NRG1: variants seen among roughly 807,000 people sequenced by gnomAD.
The protein encoded by NRG1 is neuregulin 1, also known as pro-neuregulin-1, membrane-bound isoform.
A neutral mutation model predicts 63.8 loss-of-function variants in NRG1; 18 were observed. The ratio of observed to expected loss-of-function variants is 0.28; its 90% CI spans 0.19 to 0.42. The LOEUF is 0.42. Ranked by LOEUF, NRG1 falls within the 10% of genes least tolerant of loss-of-function variation. The probability of loss-of-function intolerance (pLI) is 1.00; values close to 1 mark genes in which losing one functional copy is unlikely to be tolerated. For missense variants in NRG1, 762 were observed against 814.7 expected (o/e 0.94, Z 0.79); for synonymous variants, 302 against 301.3 (o/e 1.00, Z -0.02).
intron 1 of NRG1, among the ~76,000 whole-genome samples, chr8:32,277,846 G>T (rs1404117230): frequency 6.6e-6 from 1 of 152,058 alleles, no homozygotes; most frequent in Middle Eastern, 3.2e-3. Context: ...GTGACCACAA[G>T]GCCTTCAGCT....
intron 1 of NRG1, among the ~76,000 whole-genome samples, chr8:32,309,697 A>G (rs1374542262): frequency 2.0e-5 from 3 of 152,056 alleles, no homozygotes; most frequent in Admixed American, 2.0e-4. Flanking sequence ...TTGTGCATAG[A>G]TATTGTTGCA....
At chr8:31,825,286 G>A (rs1263141106) in intron 1 of NRG1, among the ~76,000 whole-genome samples, 2 of 152,010 alleles carry the variant, frequency 1.3e-5, no homozygotes, top group African/African-American at 4.8e-5. Context: ...TACTCGGGAG[G>A]CTGAGGCAGG....
At chr8:32,626,357 G>GT (rs145290390) in intron 5 of NRG1, among the ~76,000 whole-genome samples, 5,858 of 141,938 alleles carry the variant, frequency 0.041, 220 homozygotes, top group African/African-American at 0.1. Flanking sequence ...TTCAAATTAA[G>GT]TTTTTTTTTT....
intron 1 of NRG1, among the ~76,000 whole-genome samples, chr8:31,931,746 T>C (rs1834881698): frequency 6.6e-6 from 1 of 152,186 alleles, no homozygotes; most frequent in African/African-American, 2.4e-5. Flanking sequence ...AGAGGACATG[T>C]GGGCTCTCTT....
At chr8:31,905,349 C>T (rs1024150130) in intron 1 of NRG1, among the ~76,000 whole-genome samples, 8 of 152,188 alleles carry the variant, frequency 5.3e-5, no homozygotes, top group Non-Finnish European at 1.0e-4. Context: ...AAGACAACAA[C>T]ATGAAAATCT....
At chr8:31,775,316 A>G (rs183273436) in intron 1 of NRG1, among the ~76,000 whole-genome samples, 1 of 152,314 alleles carries the variant, frequency 6.6e-6, no homozygotes, top group Admixed American at 6.5e-5. Flanking sequence ...CCTGGAGGCC[A>G]TTATCCTAAG....
intron 5 of NRG1, among the ~76,000 whole-genome samples, chr8:32,680,555 A>G (rs1011952861): frequency 3.9e-5 from 6 of 152,200 alleles, no homozygotes; most frequent in Non-Finnish European, 7.3e-5. Flanking sequence ...AAGGAGAGAC[A>G]TAATATAGAT....
chr8:32,131,153 G>A (rs1022400674), intron 1 of NRG1, among the ~76,000 whole-genome samples: 4 of 151,938 alleles, frequency 2.6e-5, no homozygotes, highest in African/African-American at 9.7e-5. Flanking sequence ...TAATAAAGCT[G>A]TGGGGACTTA....
Position 32,577,182 on chromosome 8 carries a change from A to G in NRG1, c.101-18646A>G, listed in dbSNP as rs567115068. Among the ~76,000 whole-genome samples the G allele has an allele frequency of 3.2e-4, 48 of 152,268 alleles. 1 individual carries two copies. In the South Asian group the frequency reaches 8.7e-3, roughly 28 times the overall value. On this transcript the variant is annotated intron_variant, in intron 1 of 11. Coordinates refer to ENST00000356819, the Ensembl canonical transcript of NRG1. ...CCTTTTTATGGCTACATGATATTCCACAGTGTGTATATACTACATTTCCTC... is the reference window on the plus strand; with the variant it reads ...CCTTTTTATGGCTACATGATATTCCGCAGTGTGTATATACTACATTTCCTC...
chr8:32,088,650 T>C lies in NRG1; in HGVS notation c.37+449219T>C, dbSNP rs536819136. ...TTTCTGCCTCAGCCTTCTGAGTACC[T>C]GGGACTACAGGTGCACGCCACCATG... On this transcript the variant is annotated intron_variant, in intron 1 of 10. Transcript: ENST00000519301. Among the ~76,000 whole-genome samples, 7 of 152,092 alleles carry C rather than the reference T, an allele frequency of 4.6e-5. No individual in the cohort carries two copies. In the South Asian group the frequency reaches 6.2e-4, roughly 14 times the overall value.
intron 1 of NRG1, among the ~76,000 whole-genome samples, chr8:31,810,553 T>G (rs528066374): frequency 6.6e-6 from 1 of 152,270 alleles, no homozygotes; most frequent in Non-Finnish European, 1.5e-5. Context: ...CACAGCTGTT[T>G]CCTCACCTAG....
At chr8:32,769,524 G>A (rs1014103881), downstream of NRG1, among the ~76,000 whole-genome samples, 1 of 152,162 alleles carries the variant, frequency 6.6e-6, no homozygotes, top group Non-Finnish European at 1.5e-5. Flanking sequence ...ACAATTTGGG[G>A]TTATAAGGCA....
intron 1 of NRG1, among the ~76,000 whole-genome samples, chr8:32,288,271 A>G (rs1586638526): frequency 6.6e-6 from 1 of 152,202 alleles, no homozygotes; most frequent in Admixed American, 6.5e-5. Flanking sequence ...CATGATGGCT[A>G]GCAATCTTTA....
intron 1 of NRG1, among the ~76,000 whole-genome samples, chr8:32,390,223 A>C (rs6986716): frequency 0.75 from 114,671 of 151,976 alleles, 44,120 homozygotes; most frequent in Middle Eastern, 0.84. Context: ...CTTCTCTCTA[A>C]CCCATTTCAC....
intron 1 of NRG1, among the ~76,000 whole-genome samples, chr8:31,744,030 T>A (rs1376806442): frequency 6.6e-6 from 1 of 151,988 alleles, no homozygotes; most frequent in East Asian, 1.9e-4. Flanking sequence ...ATTGAAAGAT[T>A]TTTTTCTGAG....
chr8:32,082,117 T>C (rs1827548805), intron 1 of NRG1, among the ~76,000 whole-genome samples: 1 of 152,062 alleles, frequency 6.6e-6, no homozygotes, highest in Non-Finnish European at 1.5e-5. Flanking sequence ...TTTGAGCTTG[T>C]TGACAAAAAC....
At chr8:31,951,053 G>A (rs945222109) in intron 1 of NRG1, among the ~76,000 whole-genome samples, 6 of 152,126 alleles carry the variant, frequency 3.9e-5, no homozygotes, top group Admixed American at 1.3e-4. Context: ...GTCATATTTC[G>A]CTCATTTGTT....
At chr8:32,344,325 T>TCTTC (rs1804469715) in intron 1 of NRG1, among the ~76,000 whole-genome samples, 1 of 16,210 alleles carries the variant, frequency 6.2e-5, no homozygotes, top group South Asian at 2.4e-3. Flanking sequence ...TCCTTCTTTC[T>TCTTC]CTTTCTTTCT....
chr8:32,584,065 G>A (rs1468184002), intron 1 of NRG1, among the ~76,000 whole-genome samples: 2 of 145,580 alleles, frequency 1.4e-5, no homozygotes, highest in African/African-American at 5.1e-5. Context: ...AGACTATTTG[G>A]ACTCTTTCTT....
Sources: allele counts gnomAD v4.1 joint callset (sites outside exome capture counted in the v4.1 genomes callset), GRCh38; gene constraint gnomAD v4.1.1; transcripts MANE v1.5; gene names NCBI Gene and HGNC (gene_info 2026-07-23, HGNC 2026-07-21).